Variants in AMBN observed in about 807,000 individuals in gnomAD.
AMBN encodes the protein enamel matrix protein.
In AMBN, 54 loss-of-function variants were observed where a neutral mutation model predicts 48.0. That is an observed-to-expected ratio of 1.12 (90% CI 0.90 to 1.41). The LOEUF is 1.41. AMBN is among the 40% of genes most tolerant of loss of function. The pLI is 0.00. For synonymous variants in AMBN, 186 were observed against 190.0 expected, an observed-to-expected ratio of 0.98 and a Z score of 0.17; for missense variants, 571 against 547.3, an observed-to-expected ratio of 1.04 and a Z score of -0.43.
At chr4:70,599,711 T>C in intron 5 of AMBN, 65 bp downstream of exon 5, 1 of 1,248,306 alleles carries the variant, frequency 8.0e-7, no homozygotes. Context: ...CTTGCCTTCT[T>C]TAAGTTATGA....
rs1737476377 is a variant in AMBN at position 70,599,661 on chromosome 4, T to A, written c.294+15T>A. ...AAACTCAACAGGTGAGTGAATAGCA[T>A]CAATATGTTTGAAACCTCAGGCTTT... On this transcript the variant is annotated intron_variant, in intron 5 of 12. Transcript: ENST00000322937. 1.3e-6 allele frequency: 2 copies of A among 1,571,292 alleles called. No individual in the cohort carries two copies. The highest frequency in any genetic ancestry group is 1.7e-6 in the Non-Finnish European group (2 of 1,147,550).
rs568283274 is a variant in AMBN at position 70,595,230 on chromosome 4, C to T, written c.85-1769C>T. ...TTTTTTACAGTCTGGCTCTGTTGCC[C>T]GGGCTGGAGTGCAATGCTGAGATCT... is the stretch of plus-strand genomic sequence containing the variant. On this transcript the variant is annotated intron_variant, in intron 2 of 12. Transcript: ENST00000322937. Among the ~76,000 whole-genome samples, 75 of 149,402 alleles carry T rather than the reference C, an allele frequency of 5.0e-4. 1 individual carries two copies. The highest frequency in any genetic ancestry group is 1.5e-3 in the Admixed American group (22 of 15,008).
rs1385490420 is a variant in AMBN at position 70,592,451 on chromosome 4, G to A, written c.15+78G>A. On this transcript the variant is annotated intron_variant, in intron 1 of 12. Coordinates refer to ENST00000322937, the MANE Select transcript of AMBN (RefSeq NM_016519.6). ...TATCTCCTGACAGCTTTTATAAAGA[G>A]GATTTATCTTCATTTGTCACCAGTA... The A allele has an allele frequency of 4.0e-6, 6 of 1,499,586 alleles. No individual in the cohort carries two copies. The African/African-American group carries it at 8.3e-5, about 21-fold the overall frequency. 92.9% of individuals were successfully genotyped at this position (1,499,586 alleles called of 1,614,324 possible).
chr4:70,593,863 TA>T (rs5859239), intron 2 of AMBN, among the ~76,000 whole-genome samples: 72,558 of 138,174 alleles, frequency 0.53, 19,398 homozygotes, highest in African/African-American at 0.69. Context: ...AGACTCCATT[TA>T]AAAAAAAAAA....
At chr4:70,595,426 T>C (rs1737365968) in intron 2 of AMBN, among the ~76,000 whole-genome samples, 1 of 151,886 alleles carries the variant, frequency 6.6e-6, no homozygotes, top group Non-Finnish European at 1.5e-5. Context: ...ACCTCATGAT[T>C]TGCCCACCTC....
intron 7 of AMBN, 57 bp from the exon 8 acceptor site, chr4:70,602,741 T>A: frequency 6.7e-7 from 1 of 1,482,986 alleles, no homozygotes; most frequent in Non-Finnish European, 9.1e-7. Context: ...TTTTTATTTG[T>A]ATTTAACTAC....
At chr4:70,593,561 C>A (rs1560385507) in intron 2 of AMBN, among the ~76,000 whole-genome samples, 166 bp downstream of exon 2, 2 of 152,232 alleles carry the variant, frequency 1.3e-5, no homozygotes, top group South Asian at 4.2e-4. Context: ...GTCAGTCTTG[C>A]AATCCAAAAG....
chr4:70,599,446 A>G (rs1034115409), intron 4 of AMBN, 90 bp from the exon 5 acceptor site: 5 of 1,048,258 alleles, frequency 4.8e-6, no homozygotes, highest in Non-Finnish European at 4.0e-6. Context: ...TCTCAAAAAA[A>G]AAAAGAAAAA....
At chr4:70,593,261 AT>A in intron 1 of AMBN, 65 bp from the exon 2 acceptor site, 2 of 1,350,032 alleles carry the variant, frequency 1.5e-6, no homozygotes, top group Non-Finnish European at 2.1e-6. Context: ...ATTTTCAAAA[AT>A]TGTCTTTTAA....
chr4:70,606,857 T>A lies in AMBN; in HGVS notation c.*127T>A. The A allele has an allele frequency of 9.5e-7, 1 of 1,057,110 alleles. No homozygotes were observed. Among genetic ancestry groups the A allele is most frequent in the Non-Finnish European group, 1.3e-6 (1 of 746,440 alleles). 65.5% of individuals were successfully genotyped at this position (1,057,110 alleles called of 1,614,324 possible). A position where few individuals can be genotyped will look rare whatever the true frequency, so the allele number is the denominator to read the frequency against. On this transcript the variant is annotated 3_prime_UTR_variant, in exon 13 of 13. Coordinates refer to ENST00000322937, the MANE Select transcript of AMBN (RefSeq NM_016519.6). ...GGCATTAAAAGCGCTAAGCATATAT[T>A]AATAAATGCAAGTGGCTAGAAATAG...
chr4:70,600,575 G>C (rs753602612), intron 5 of AMBN, among the ~76,000 whole-genome samples: 3 of 152,182 alleles, frequency 2.0e-5, no homozygotes, highest in African/African-American at 7.2e-5. Context: ...TCAGAGAGGG[G>C]TGATGGCTGG....
At chr4:70,597,103 T>C (rs1426971652) in intron 3 of AMBN, 54 bp downstream of exon 3, 17 of 1,501,226 alleles carry the variant, frequency 1.1e-5, no homozygotes, top group Non-Finnish European at 1.5e-5. Flanking sequence ...ATATTTGTGG[T>C]ACAGGAGAAA....
chr4:70,596,551 A>G (rs1347050281), intron 2 of AMBN, among the ~76,000 whole-genome samples: 1 of 152,190 alleles, frequency 6.6e-6, no homozygotes, highest in Non-Finnish European at 1.5e-5. Context: ...TCTGAATGTC[A>G]TGATCCCATG....
intron 8 of AMBN, 31 bp downstream of exon 8, chr4:70,602,867 T>TTTTTA: frequency 7.4e-7 from 1 of 1,344,080 alleles, no homozygotes; most frequent in South Asian, 1.5e-5. Flanking sequence ...GACACTTCTA[T>TTTTTA]TTTTTATTTT....
At chr4:70,600,589 G>A (rs1737497684) in intron 5 of AMBN, among the ~76,000 whole-genome samples, 1 of 152,164 alleles carries the variant, frequency 6.6e-6, no homozygotes, top group African/African-American at 2.4e-5. Flanking sequence ...TGGCTGGAGA[G>A]GCAAAGCAGA....
rs1003225682 is a variant in AMBN, at chr4:70,596,866, G to A, written c.85-133G>A. On this transcript the variant is annotated intron_variant, in intron 2 of 12. Transcript: ENST00000322937. Reference sequence around the variant, plus strand: ...TTCTTCATTCTGCCCAAGCACTCAAGTCATTTGCATAATAAACCAAAATGG... The same window carrying A: ...TTCTTCATTCTGCCCAAGCACTCAAATCATTTGCATAATAAACCAAAATGG... The A allele has an allele frequency of 3.6e-5, 21 of 583,960 alleles. No homozygotes were observed. In the Admixed American group the frequency reaches 4.6e-4, roughly 13 times the overall value. The allele number at this position is 583,960 out of a possible 1,614,324, so 36.2% of individuals were successfully genotyped here.
chr4:70,601,396 C>T (rs377060218), intron 5 of AMBN, 22 bp from the exon 6 acceptor site: 25 of 1,610,210 alleles, frequency 1.6e-5, no homozygotes, highest in Non-Finnish European at 2.1e-5. Flanking sequence ...CTTCCTAACA[C>T]TCTTTTCAAA....
rs1314013440 is a variant in AMBN, at chr4:70,606,726, C to T, written c.1340C>T (p.Pro447Leu). 6.2e-7 allele frequency: 1 copy of T among 1,609,550 alleles called. No individual in the cohort carries two copies. Among genetic ancestry groups the T allele is most frequent in the Admixed American group, 1.7e-5 (1 of 59,560 alleles). The change falls in exon 13 of 13, where the codon CCC (proline) becomes CTC (leucine). Residue 447 changes from proline to leucine, a missense_variant. Physicochemically the swap from Pro to Leu is moderately conservative, Grantham distance 98. Coordinates refer to ENST00000322937, the MANE Select transcript of AMBN (RefSeq NM_016519.6). ...MMHDAWHFQE[P>L] ...CATGACGCATGGCATTTCCAAGAGC[C>T]CTGACAGCTCTAAGATATTAGCTAC...
At position 70,601,685 on chromosome 4, in the gene AMBN, A is replaced by G. The variant is rs146725902; in HGVS notation, c.531+31A>G. 1.8e-3 allele frequency: 2,854 copies of G among 1,598,708 alleles called. 42 individuals are homozygous for G. In the East Asian group the frequency reaches 0.027, roughly 15 times the overall value. ...TCCTTTCTCTTGAAGTCAGATCAGA[A>G]TCACCAGCTAACCTAATAGAAGAAA... On this transcript the variant is annotated intron_variant, in intron 6 of 12. Coordinates refer to ENST00000322937, the MANE Select transcript of AMBN (RefSeq NM_016519.6).
Sources: gnomAD v4.1 joint callset for allele counts (sites outside exome capture counted in the v4.1 genomes callset) on GRCh38, gnomAD v4.1.1 for gene constraint, MANE v1.5 for transcripts, NCBI Gene and HGNC (gene_info 2026-07-23, HGNC 2026-07-21) for gene names.